The following PTPRO variants were observed in gnomAD, a reference collection of about 807,000 sequenced individuals.
PTPRO encodes the protein receptor-type tyrosine-protein phosphatase O.
PTPRO carries 62 observed loss-of-function variants against 145.2 expected under a neutral mutation model. The observed-to-expected ratio is 0.43, with a 90% CI of 0.35 to 0.53. The LOEUF (loss-of-function observed/expected upper bound fraction) is 0.53. Ranked by LOEUF, PTPRO falls within the 20% of genes least tolerant of loss-of-function variation. PTPRO has a pLI of 0.01. For synonymous variants in PTPRO, 565 were observed against 514.7 expected (o/e 1.10, Z -1.32); for missense variants, 1,345 against 1,482.7 (o/e 0.91, Z 1.53).
At chr12:15,589,721 T>C in intron 25 of PTPRO, 131 bp downstream of exon 25, 4 of 1,128,552 alleles carry the variant, frequency 3.5e-6, no homozygotes, top group Non-Finnish European at 5.2e-6. Context: ...TTATTGTATA[T>C]GTTCAAACTG....
At position 15,365,366 on chromosome 12, in the gene PTPRO, C is replaced by CTGTTTGAAATG. The variant is rs1462189868; in HGVS notation, c.75+42571_75+42581dup. 1.6e-4 allele frequency among the ~76,000 whole-genome samples: 24 copies of CTGTTTGAAATG among 152,194 alleles called. No individual in the cohort carries two copies. The East Asian group carries it at 4.6e-3, about 29-fold the overall frequency. On this transcript the variant is annotated intron_variant, in intron 1 of 26. Transcript: ENST00000281171. Reference sequence around the variant, plus strand: ...AAACCATTCACTCTTTTGAATATTACTGTTTGAAATGTGTTTAGGTCCTTT... The same window carrying CTGTTTGAAATG: ...AAACCATTCACTCTTTTGAATATTACTGTTTGAAATGTGTTTGAAATGTGTTTAGGTCCTTT...
rs77872564 is a variant in PTPRO, at chr12:15,586,902, C to T, written c.3261C>T (p.Asp1087=). ...ACRHFRINYA[D]EMQDVMHFNY... is the part of the protein sequence containing the mutation. Reference sequence around the variant, plus strand: ...TTTGGCTTTTTTCTCTAAAGGCTGACGAGATGCAGGATGTGATGCATTTTA... The same window carrying T: ...TTTGGCTTTTTTCTCTAAAGGCTGATGAGATGCAGGATGTGATGCATTTTA... The change falls in exon 24 of 27, where the codon GAC becomes GAT. Residue 1087 remains aspartate (D), a synonymous_variant. Transcript: ENST00000281171. The T allele has an allele frequency of 1.2e-3, 1,943 of 1,613,904 alleles. 26 individuals are homozygous for T. In the East Asian group the frequency reaches 0.037, roughly 31 times the overall value.
chr12:15,435,044 G>A (rs1438990529), intron 1 of PTPRO, among the ~76,000 whole-genome samples: 1 of 152,104 alleles, frequency 6.6e-6, no homozygotes, highest in Non-Finnish European at 1.5e-5. Flanking sequence ...AATTTTTAAA[G>A]ACACCAGTGC....
chr12:15,560,250 T>G lies in PTPRO; in HGVS notation c.2685T>G (p.Tyr895Ter). The G allele has an allele frequency of 6.3e-7, 1 of 1,589,890 alleles. No individual in the cohort carries two copies. Among genetic ancestry groups the G allele is most frequent in the Non-Finnish European group, 8.6e-7 (1 of 1,158,384 alleles). ...TLLPSCLWTD[Y>*]LLAFYINPWS... Reference sequence around the variant, plus strand: ...TACCCTCATGTCTTTGGACTGATTATCTTTTGGCATTTTATATTAATCCTT... The same window carrying G: ...TACCCTCATGTCTTTGGACTGATTAGCTTTTGGCATTTTATATTAATCCTT... Residue 895 changes from tyrosine (Y) to a stop codon, truncating the protein, a stop_gained, in exon 17 of 27, where the codon TAT (tyrosine) becomes TAG (stop). Coordinates refer to ENST00000281171, the MANE Select transcript of PTPRO (RefSeq NM_030667.3). LOFTEE classifies it high-confidence loss of function.
intron 1 of PTPRO, among the ~76,000 whole-genome samples, chr12:15,403,439 C>T (rs533592675): frequency 6.6e-5 from 10 of 152,124 alleles, no homozygotes; most frequent in African/African-American, 2.2e-4. Context: ...AAAAATTAGC[C>T]GGGCGTGGTG....
intron 1 of PTPRO, among the ~76,000 whole-genome samples, chr12:15,325,178 TAA>T (rs1252547052): frequency 6.6e-6 from 1 of 152,202 alleles, no homozygotes; most frequent in African/African-American, 2.4e-5. Flanking sequence ...ATCCTTTATA[TAA>T]GAGTGAAAAT....
chr12:15,328,678 TGAA>T (rs1455395727), intron 1 of PTPRO, among the ~76,000 whole-genome samples: 1 of 152,148 alleles, frequency 6.6e-6, no homozygotes, highest in African/African-American at 2.4e-5. Flanking sequence ...GAGAATGAAA[TGAA>T]GAACATTTGA....
chr12:15,563,805 A>T (rs1015174557), intron 17 of PTPRO, among the ~76,000 whole-genome samples: 6 of 152,194 alleles, frequency 3.9e-5, no homozygotes, highest in Middle Eastern at 3.4e-3. Flanking sequence ...GCCTGTTTGG[A>T]TAGGAAAGTA....
In PTPRO at chr12:15,440,214, C is replaced by T. The variant is rs1012581237; in HGVS notation, c.76-43760C>T. The T allele has an allele frequency of 3.0e-5, 20 of 659,282 alleles. No individual in the cohort carries two copies. In the African/African-American group the frequency reaches 3.5e-4, roughly 11 times the overall value. The allele number at this position is 659,282 out of a possible 1,614,324, so 40.8% of individuals were successfully genotyped here. On this transcript the variant is annotated intron_variant, in intron 1 of 26. Coordinates refer to ENST00000281171, the MANE Select transcript of PTPRO (RefSeq NM_030667.3). ...TACACCTTAGCCAGGGGCTGCACTG[C>T]CACCCTGGGCAACTTTTCCAAGGCC...
chr12:15,507,410 AAAATAAAT>A (rs201609031), intron 6 of PTPRO, among the ~76,000 whole-genome samples: 4,436 of 122,976 alleles, frequency 0.036, 269 homozygotes, highest in African/African-American at 0.12. Flanking sequence ...ACTCCATCTC[AAAATAAAT>A]AAATAAATAA....
chr12:15,516,755 C>CT lies in PTPRO; in HGVS notation c.1586-5dup. Reference sequence around the variant, plus strand: ...TTCTTTTTCTACCCCCTGCCCTCTTCTTTCTAGTTCCCACAGGAATAAAGG... The same window carrying CT: ...TTCTTTTTCTACCCCCTGCCCTCTTCTTTTCTAGTTCCCACAGGAATAAAGG... On this transcript the variant is annotated splice_polypyrimidine_tract_variant and splice_region_variant and intron_variant, in intron 8 of 26. Coordinates refer to ENST00000281171, the MANE Select transcript of PTPRO (RefSeq NM_030667.3). 1 of 1,597,954 alleles carries CT rather than the reference C, an allele frequency of 6.3e-7. No homozygotes were observed. The highest frequency in any genetic ancestry group is 8.6e-7 in the Non-Finnish European group (1 of 1,165,326).
intron 18 of PTPRO, 144 bp from the exon 19 acceptor site, chr12:15,569,273 C>T (rs1303163606): frequency 3.4e-6 from 2 of 580,142 alleles, no homozygotes; most frequent in Non-Finnish European, 2.9e-6. Flanking sequence ...TAACTTGAAC[C>T]AAAAAAAAAA....
At chr12:15,345,528 T>C (rs1867172367) in intron 1 of PTPRO, among the ~76,000 whole-genome samples, 1 of 151,944 alleles carries the variant, frequency 6.6e-6, no homozygotes, top group Admixed American at 6.6e-5. Flanking sequence ...AAACACCACA[T>C]GTTTGCGTTC....
intron 1 of PTPRO, among the ~76,000 whole-genome samples, chr12:15,432,302 C>T (rs1940463056): frequency 6.6e-6 from 1 of 152,164 alleles, no homozygotes; most frequent in Admixed American, 6.5e-5. Context: ...TGGCCTCCAG[C>T]TCCATGCATG....
intron 6 of PTPRO, 38 bp downstream of exon 6, chr12:15,504,107 G>C (rs1306158752): frequency 6.4e-7 from 1 of 1,569,456 alleles, no homozygotes; most frequent in Non-Finnish European, 8.8e-7. Context: ...TTACTGGGGA[G>C]CTAGAACAAT....
chr12:15,516,156 A>G (rs185384912), intron 8 of PTPRO, among the ~76,000 whole-genome samples: 3 of 150,794 alleles, frequency 2.0e-5, no homozygotes, highest in African/African-American at 7.3e-5. Context: ...ATGCCTGGCT[A>G]ATTTTTTGTA....
At chr12:15,446,166 A>G (rs1035699856) in intron 1 of PTPRO, among the ~76,000 whole-genome samples, 1 of 152,090 alleles carries the variant, frequency 6.6e-6, no homozygotes, top group African/African-American at 2.4e-5. Flanking sequence ...AACAACAACA[A>G]ATAATCTCAA....
Position 15,538,328 on chromosome 12 carries a change from G to A in PTPRO, c.2165-8241G>A, listed in dbSNP as rs1390232506. 9.9e-5 allele frequency among the ~76,000 whole-genome samples: 15 copies of A among 151,826 alleles called. No individual in the cohort carries two copies. In the East Asian group the frequency reaches 1.6e-3, roughly 16 times the overall value. On this transcript the variant is annotated intron_variant, in intron 12 of 26. Transcript: ENST00000281171. ...CAACCTCTGCCTCCCAGGTTCAAGC[G>A]ATTCTCCTGCCTCAGCCTCCCAAGT...
intron 1 of PTPRO, among the ~76,000 whole-genome samples, chr12:15,479,474 A>G (rs57425411): frequency 6.6e-6 from 1 of 151,980 alleles, no homozygotes; most frequent in Non-Finnish European, 1.5e-5. Flanking sequence ...TCTGCTCCCC[A>G]CTATTTCATA....
Sources: gnomAD v4.1 joint callset for allele counts (sites outside exome capture counted in the v4.1 genomes callset) on GRCh38, gnomAD v4.1.1 for gene constraint, MANE v1.5 for transcripts, NCBI Gene and HGNC (gene_info 2026-07-23, HGNC 2026-07-21) for gene names.